Variants in CA12 observed in about 807,000 individuals in gnomAD.
CA12 encodes carbonate dehydratase XII.
Under a neutral mutation model 46.8 loss-of-function variants are expected in CA12, and 36 were observed. The ratio of observed to expected loss-of-function variants is 0.77; its 90% confidence interval spans 0.59 to 1.02. The LOEUF (loss-of-function observed/expected upper bound fraction) is 1.02, where lower values mean the gene tolerates loss of function less well. CA12 is among the 50% of genes least tolerant of loss of function. CA12 has a pLI of 0.00. For synonymous variants in CA12, 202 were observed against 187.0 expected (o/e 1.08, Z -0.65); for missense variants, 436 against 451.4 (o/e 0.97, Z 0.31).
intron 2 of CA12, among the ~76,000 whole-genome samples, chr15:63,351,376 C>T (rs28411125): frequency 0.021 from 3,235 of 152,304 alleles, 124 homozygotes; most frequent in African/African-American, 0.073. Context: ...CCAGATCAAT[C>T]TTGTCATAGC....
intron 2 of CA12, among the ~76,000 whole-genome samples, chr15:63,371,728 C>A (rs1193488987): frequency 6.6e-6 from 1 of 152,218 alleles, no homozygotes; most frequent in Non-Finnish European, 1.5e-5. Flanking sequence ...TATCTGATAT[C>A]ATCAGGGATG....
At chr15:63,376,600 T>TTCTTTCTTTCTTTCTCTCTTTC (rs10623502) in intron 1 of CA12, among the ~76,000 whole-genome samples, 3 of 134,094 alleles carry the variant, frequency 2.2e-5, no homozygotes, top group Admixed American at 1.7e-4. Context: ...CTTTCTTTCT[T>TTCTTTCTTTCTTTCTCTCTTTC]TCTCTCTCTC....
Position 63,328,146 on chromosome 15 carries a change from G to A in CA12, c.875-16C>T. 1 of 1,613,004 alleles carries A rather than the reference G, an allele frequency of 6.2e-7. No individual in the cohort carries two copies. The highest frequency in any genetic ancestry group is 8.5e-7 in the Non-Finnish European group (1 of 1,179,070). On this transcript the variant is annotated splice_polypyrimidine_tract_variant and intron_variant, in intron 8 of 10. Transcript: ENST00000178638. This position sits in a 1 kb window ranked among gnomAD's most constrained non-coding sequence, Gnocchi z 5.9. ...CAGACTTGCACTTAAAAGGGGAGAG[G>A]AAAAGACGAGGTTACTCTAGAGTCA...
At chr15:63,376,205 C>A (rs975581379) in intron 1 of CA12, among the ~76,000 whole-genome samples, 10 of 152,192 alleles carry the variant, frequency 6.6e-5, no homozygotes, top group Non-Finnish European at 1.3e-4. Context: ...TGCAGAGGCT[C>A]ATGGAAGCAG....
chr15:63,343,171 C>A (rs1237699105), intron 4 of CA12, among the ~76,000 whole-genome samples: 4 of 151,538 alleles, frequency 2.6e-5, no homozygotes, highest in African/African-American at 9.7e-5. Flanking sequence ...TTACAGCTGA[C>A]CTTTGAGCTT....
intron 1 of CA12, among the ~76,000 whole-genome samples, chr15:63,380,917 T>C (rs972497373): frequency 6.6e-6 from 1 of 152,218 alleles, no homozygotes; most frequent in African/African-American, 2.4e-5. Context: ...AGGTCCCCTC[T>C]GCCACCTCCT....
chr15:63,368,128 T>A (rs2152625371), intron 2 of CA12, among the ~76,000 whole-genome samples: 1 of 152,370 alleles, frequency 6.6e-6, no homozygotes, highest in South Asian at 2.1e-4. Flanking sequence ...GGTGCTTCTC[T>A]GTATTCGTGG....
At chr15:63,347,758 G>A (rs946241643) in intron 2 of CA12, among the ~76,000 whole-genome samples, 1 of 152,174 alleles carries the variant, frequency 6.6e-6, no homozygotes, top group African/African-American at 2.4e-5. Flanking sequence ...CAAAGAATTG[G>A]CATGTCATGG....
At position 63,329,020 on chromosome 15, in the gene CA12, C is replaced by A. The variant is rs1296262744; in HGVS notation, c.875-890G>T. ...CCAGCCAAGATTTCAGTTTTTAATA[C>A]AACATGGCCAAAGAGGAAAGATGAA... On this transcript the variant is annotated intron_variant, in intron 8 of 10. Transcript: ENST00000178638. The surrounding 1 kb of genome is among the most constrained non-coding windows in gnomAD (Gnocchi z 4.8). 2.0e-5 allele frequency among the ~76,000 whole-genome samples: 3 copies of A among 152,198 alleles called. No homozygotes were observed. Among genetic ancestry groups the A allele is most frequent in the Admixed American group, 1.3e-4 (2 of 15,280 alleles).
chr15:63,342,006 A>G lies in CA12; in HGVS notation c.521T>C (p.Ile174Thr), dbSNP rs772871937. 2.5e-5 allele frequency: 40 copies of G among 1,610,314 alleles called. No homozygotes were observed. The highest frequency in any genetic ancestry group is 4.5e-5 in the East Asian group (2 of 44,884). Reference protein sequence around the residue: ...SEGLAVLAVLIEMGSFNPSYD... With the variant: ...SEGLAVLAVLTEMGSFNPSYD... ...AACCTTTTAAATATCTCTTACCTCA[A>G]TGAGAACAGCCAGGACAGCGAGGCC... Residue 174 changes from isoleucine (I) to threonine (T), a missense_variant, in exon 5 of 11, where the codon ATT becomes ACT. Ile to Thr is a moderately conservative substitution (Grantham distance 89). Coordinates refer to ENST00000178638, the MANE Select transcript of CA12 (RefSeq NM_001218.5).
In CA12 at chr15:63,348,459, C is replaced by A. The variant is rs951672353; in HGVS notation, c.107-1750G>T. ...GCAGCGGGGAGCAGAATGAAGCAAC[C>A]GTGAGGCCTCATGTAGAACCCCAGG... On this transcript the variant is annotated intron_variant, in intron 2 of 10. Coordinates refer to ENST00000178638, the MANE Select transcript of CA12 (RefSeq NM_001218.5). This position sits in a 1 kb window ranked among gnomAD's most constrained non-coding sequence, Gnocchi z 4.6. Among the ~76,000 whole-genome samples, 3 of 152,152 alleles carry A rather than the reference C, an allele frequency of 2.0e-5. No homozygotes were observed. The highest frequency in any genetic ancestry group is 7.2e-5 in the African/African-American group (3 of 41,440).
chr15:63,342,651 C>T (rs2039095800), intron 4 of CA12, among the ~76,000 whole-genome samples: 1 of 152,118 alleles, frequency 6.6e-6, no homozygotes, highest in Admixed American at 6.5e-5. Flanking sequence ...GTCCAACTCC[C>T]TCTTCCCATC....
rs755226151 is a variant in CA12 at position 63,339,227 on chromosome 15, C to A, written c.748-282G>T. Among the ~76,000 whole-genome samples, 1 of 142,912 alleles carries A rather than the reference C, an allele frequency of 7.0e-6. No individual in the cohort carries two copies. The highest frequency in any genetic ancestry group is 2.6e-5 in the African/African-American group (1 of 37,948). The allele number at this position is 142,912 out of a possible 152,430, so 93.8% of individuals were successfully genotyped here. ...CCAATTATACCTGGAATCTGCCCTG[C>A]GTGGAGGGAAACCTGGGGTGATGGA... is the stretch of plus-strand genomic sequence containing the variant. On this transcript the variant is annotated intron_variant, in intron 7 of 10. Transcript: ENST00000178638. The surrounding 1 kb of genome is among the most constrained non-coding windows in gnomAD (Gnocchi z 4.3).
At chr15:63,364,629 G>A (rs928762309) in intron 2 of CA12, among the ~76,000 whole-genome samples, 32 of 152,310 alleles carry the variant, frequency 2.1e-4, no homozygotes, top group South Asian at 4.1e-4. Context: ...GCAGTGTGCC[G>A]TTCTCATATG....
chr15:63,381,561 A>G, intron 1 of CA12, 75 bp downstream of exon 1: 1 of 1,193,226 alleles, frequency 8.4e-7, no homozygotes, highest in Admixed American at 1.9e-5. Context: ...ATTTTACTTT[A>G]TCATTGAAGA....
At chr15:63,350,111 C>T (rs1289678820) in intron 2 of CA12, among the ~76,000 whole-genome samples, 1 of 152,180 alleles carries the variant, frequency 6.6e-6, no homozygotes, top group Non-Finnish European at 1.5e-5. Context: ...TTCATAGGGC[C>T]CTCCCCCAGC....
chr15:63,381,739 G>GGCGGGC lies in CA12; in HGVS notation c.-25_-20dup. ...GGGGCATCTTCGCGGGCTCCTGCGG[G>GGCGGGC]GCGGGCGCGGGCTGTGCCGGGGGCT... On this transcript the variant is annotated 5_prime_UTR_variant, in exon 1 of 11. Transcript: ENST00000178638. 1 of 1,547,608 alleles carries GGCGGGC rather than the reference G, an allele frequency of 6.5e-7. No individual in the cohort carries two copies. The highest frequency in any genetic ancestry group is 8.7e-7 in the Non-Finnish European group (1 of 1,144,344).
rs2039085593 is a variant in CA12, at chr15:63,342,055, T to C, written c.472A>G (p.Ser158Gly). The change falls in exon 5 of 11, where the codon AGC becomes GGC. Residue 158 changes from serine to glycine, a missense_variant. Ser to Gly is a moderately conservative substitution (Grantham distance 56). Transcript: ENST00000178638. ...CCTTCTGACTTGTTGCTGGCAGTGCTGGCGTCAGGATAAAGGTCTGAGTTA... is the reference window on the plus strand; with the variant it reads ...CCTTCTGACTTGTTGCTGGCAGTGCCGGCGTCAGGATAAAGGTCTGAGTTA... ...HYNSDLYPDA[S>G]TASNKSEGLA... The C allele has an allele frequency of 1.2e-6, 2 of 1,613,900 alleles. No individual in the cohort carries two copies. The highest frequency in any genetic ancestry group is 1.3e-5 in the African/African-American group (1 of 74,916).
chr15:63,367,771 G>A (rs1049674138), intron 2 of CA12, among the ~76,000 whole-genome samples: 7 of 152,210 alleles, frequency 4.6e-5, no homozygotes, highest in African/African-American at 7.2e-5. Flanking sequence ...GCTAGTATTT[G>A]TTTCTTCCTG....
Sources: allele counts gnomAD v4.1 joint callset (sites outside exome capture counted in the v4.1 genomes callset), GRCh38; gene constraint gnomAD v4.1.1; non-coding constraint Gnocchi (gnomAD v3.1); transcripts MANE v1.5; gene names NCBI Gene and HGNC (gene_info 2026-07-23, HGNC 2026-07-21).